Variants in STON2 observed in about 807,000 individuals in gnomAD.
STON2 encodes the protein stonin-2.
A neutral mutation model predicts 65.7 loss-of-function variants in STON2; 29 were observed. The ratio of observed to expected loss-of-function variants is 0.44; its 90% CI spans 0.33 to 0.60. The LOEUF is 0.60. STON2 is among the 20% of genes least tolerant of loss of function. The pLI, the probability that STON2 is intolerant of heterozygous loss-of-function variation, is 0.03. For missense variants in STON2, 1,054 were observed against 1,118.1 expected, an observed-to-expected ratio of 0.94 and a Z score of 0.82; for synonymous variants, 404 against 414.2, an observed-to-expected ratio of 0.98 and a Z score of 0.30.
chr14:81,291,827 T>C (rs1895566111), intron 5 of STON2, among the ~76,000 whole-genome samples: 1 of 150,962 alleles, frequency 6.6e-6, no homozygotes, highest in Non-Finnish European at 1.5e-5. Context: ...ATGCTTAGTA[T>C]ACTAGGCATG....
intron 5 of STON2, among the ~76,000 whole-genome samples, chr14:81,291,075 A>G (rs1895536426): frequency 1.3e-5 from 2 of 152,202 alleles, no homozygotes; most frequent in African/African-American, 2.4e-5. Flanking sequence ...CTTTGAAGTT[A>G]TATTAGTTAT....
chr14:81,364,998 T>C (rs1183172182), intron 4 of STON2, among the ~76,000 whole-genome samples: 1 of 152,128 alleles, frequency 6.6e-6, no homozygotes, highest in African/African-American at 2.4e-5. Context: ...TCCTTGTCTA[T>C]GAGGAACATC....
chr14:81,270,508 T>A, intron 7 of STON2, 162 bp downstream of exon 7: 1 of 1,525,766 alleles, frequency 6.6e-7, no homozygotes, highest in Non-Finnish European at 8.8e-7. Flanking sequence ...TGCATTTAAA[T>A]CAGAGCAGAC....
At chr14:81,378,291 CTG>C (rs1899348355) in intron 3 of STON2, among the ~76,000 whole-genome samples, 1 of 152,198 alleles carries the variant, frequency 6.6e-6, no homozygotes, top group African/African-American at 2.4e-5. Context: ...TCTCAGCTCA[CTG>C]TAACTTCCAC....
intron 5 of STON2, among the ~76,000 whole-genome samples, chr14:81,308,479 C>T (rs756832732): frequency 2.0e-5 from 3 of 152,144 alleles, no homozygotes; most frequent in South Asian, 2.1e-4. Context: ...GCTGGGATTA[C>T]AGGCATGAGC....
At chr14:81,379,337 G>C (rs1899402505) in intron 3 of STON2, among the ~76,000 whole-genome samples, 1 of 152,144 alleles carries the variant, frequency 6.6e-6, no homozygotes, top group Non-Finnish European at 1.5e-5. Context: ...CTAAGCCTTA[G>C]AGGAAGTATT....
intron 3 of STON2, among the ~76,000 whole-genome samples, chr14:81,373,104 T>C (rs1333621428): frequency 3.3e-5 from 5 of 152,194 alleles, no homozygotes; most frequent in African/African-American, 1.2e-4. Flanking sequence ...CGCCCATGTC[T>C]TCCATACTAG....
chr14:81,364,635 C>T (rs570639456), intron 4 of STON2, among the ~76,000 whole-genome samples: 6 of 152,018 alleles, frequency 3.9e-5, no homozygotes, highest in South Asian at 4.2e-4. Context: ...TACATGTATA[C>T]GAATATAAAT....
At chr14:81,345,558 T>C (rs2140302596) in intron 4 of STON2, among the ~76,000 whole-genome samples, 1 of 152,268 alleles carries the variant, frequency 6.6e-6, no homozygotes, top group East Asian at 1.9e-4. Flanking sequence ...GCCCAGGAGT[T>C]CGAGACCAGC....
chr14:81,358,836 A>G (rs1443980162), intron 4 of STON2, among the ~76,000 whole-genome samples: 2 of 152,216 alleles, frequency 1.3e-5, no homozygotes, highest in Non-Finnish European at 2.9e-5. Flanking sequence ...CATCAAGAGA[A>G]TACAATGATT....
At chr14:81,434,060 T>C (rs1379808575) in intron 1 of STON2, among the ~76,000 whole-genome samples, 1 of 152,156 alleles carries the variant, frequency 6.6e-6, no homozygotes, top group Non-Finnish European at 1.5e-5. Context: ...CTTTCCCAGG[T>C]ATAACTTTTA....
At chr14:81,415,811 C>CA (rs1234675372) in intron 2 of STON2, among the ~76,000 whole-genome samples, 5 of 151,788 alleles carry the variant, frequency 3.3e-5, no homozygotes, top group East Asian at 1.9e-4. Context: ...AAAATATATC[C>CA]AAAAAAATCA....
At chr14:81,377,421 G>A (rs1423112897) in intron 3 of STON2, among the ~76,000 whole-genome samples, 2 of 152,118 alleles carry the variant, frequency 1.3e-5, no homozygotes, top group Admixed American at 6.6e-5. Context: ...TCCATCAAAG[G>A]ACATCTAGGC....
At chr14:81,380,303 C>T (rs1358824541) in intron 3 of STON2, among the ~76,000 whole-genome samples, 1 of 152,190 alleles carries the variant, frequency 6.6e-6, no homozygotes, top group African/African-American at 2.4e-5. Context: ...CATCTCACCC[C>T]AGTCAGAATG....
chr14:81,367,334 G>A (rs1898783102), intron 4 of STON2, among the ~76,000 whole-genome samples: 1 of 152,026 alleles, frequency 6.6e-6, no homozygotes, highest in Non-Finnish European at 1.5e-5. Context: ...GCGCCACTAT[G>A]CCCAGCTAAT....
At chr14:81,381,447 G>A (rs1021160464) in intron 3 of STON2, among the ~76,000 whole-genome samples, 9 of 152,142 alleles carry the variant, frequency 5.9e-5, no homozygotes, top group Admixed American at 5.9e-4. Context: ...GAATGCACCA[G>A]GAACTCCCAG....
At position 81,263,561 on chromosome 14, in the gene STON2, CAAAA is replaced by C. The variant is rs1894243510; in HGVS notation, c.*4849_*4852del. 8.0e-6 allele frequency: 1 copy of C among 124,338 alleles called. No homozygotes were observed. The allele number at this position is 124,338 out of a possible 1,614,324, so 7.7% of individuals were successfully genotyped here. A position where few individuals can be genotyped will look rare whatever the true frequency, so the allele number is the denominator to read the frequency against. ...TCAAAAAAAAAAAAAAAAAAAAAAA[CAAAA>C]AAGAAAATGCTATTTTTTGGCCATG... is the stretch of plus-strand genomic sequence containing the variant. On this transcript the variant is annotated 3_prime_UTR_variant, in exon 8 of 8. Coordinates refer to ENST00000614646, the MANE Select transcript of STON2 (RefSeq NM_001394390.1).
At chr14:81,423,651 C>A (rs769638448) in intron 2 of STON2, among the ~76,000 whole-genome samples, 1 of 152,160 alleles carries the variant, frequency 6.6e-6, no homozygotes. Context: ...ACAAAACAGA[C>A]GCATGGGCAT....
chr14:81,325,524 TTCTC>T, intron 4 of STON2, among the ~76,000 whole-genome samples: 1 of 152,216 alleles, frequency 6.6e-6, no homozygotes, highest in East Asian at 1.9e-4. Flanking sequence ...AAGTAAAAAA[TTCTC>T]TATTATTCTT....
Sources: gnomAD v4.1 joint callset for allele counts (sites outside exome capture counted in the v4.1 genomes callset) on GRCh38, gnomAD v4.1.1 for gene constraint, MANE v1.5 for transcripts, NCBI Gene and HGNC (gene_info 2026-07-23, HGNC 2026-07-21) for gene names.